The following NF1 variants were observed in gnomAD, a reference collection of about 807,000 sequenced individuals.
NF1 encodes neurofibromin.
A neutral mutation model predicts 325.7 loss-of-function variants in NF1; 122 were observed. That is an observed-to-expected ratio of 0.37 (90% CI 0.32 to 0.44). The LOEUF is 0.44. Among genes scored for constraint, NF1 ranks in the 20% least tolerant of loss-of-function variants. NF1 has a pLI of 1.00. For missense variants in NF1, 2,140 were observed against 3,415.4 expected (o/e 0.63, Z 9.31); for synonymous variants, 1,091 against 1,186.0 (o/e 0.92, Z 1.65).
At chr17:31,218,977 A>T (rs74480799) in intron 13 of NF1, 28 bp from the exon 14 acceptor site, 1 of 1,484,926 alleles carries the variant, frequency 6.7e-7, no homozygotes, top group Non-Finnish European at 9.3e-7. Flanking sequence ...TTATTTTTTT[A>T]ATTGAAGTTT....
chr17:31,225,271 T>C (rs1302343014), intron 17 of NF1, 21 bp downstream of exon 17: 10 of 1,612,148 alleles, frequency 6.2e-6, no homozygotes, highest in South Asian at 1.1e-5. Flanking sequence ...TCTGTACTTT[T>C]TCTGTATCAT....
At chr17:31,206,037 A>G (rs779757352) in intron 11 of NF1, among the ~76,000 whole-genome samples, 1 of 152,138 alleles carries the variant, frequency 6.6e-6, no homozygotes, top group Non-Finnish European at 1.5e-5. Context: ...CATGCTCACT[A>G]TTATGTTTTA....
chr17:31,109,072 A>C (rs999309064), intron 1 of NF1, among the ~76,000 whole-genome samples: 16 of 152,232 alleles, frequency 1.1e-4, no homozygotes, highest in African/African-American at 3.9e-4. Flanking sequence ...TCAGTCTTAG[A>C]ATTATCTGGA....
At chr17:31,095,507 A>C in intron 1 of NF1, 138 bp downstream of exon 1, 4 of 419,568 alleles carry the variant, frequency 9.5e-6, no homozygotes, top group East Asian at 7.2e-5. Context: ...AGAGAAGGGA[A>C]GGGGGGATAA....
chr17:31,201,560 A>C (rs1241010485), intron 11 of NF1, 75 bp downstream of exon 11: 7 of 1,077,000 alleles, frequency 6.5e-6, no homozygotes, highest in African/African-American at 3.1e-5. Flanking sequence ...CTTTTTAAGA[A>C]ATGCACTCTT....
intron 11 of NF1, among the ~76,000 whole-genome samples, chr17:31,202,578 A>G (rs1304013175): frequency 6.6e-6 from 1 of 152,130 alleles, no homozygotes; most frequent in African/African-American, 2.4e-5. Flanking sequence ...GCATTGCAGG[A>G]CCTTTAAGAT....
At chr17:31,110,660 A>G (rs1246586599) in intron 1 of NF1, among the ~76,000 whole-genome samples, 1 of 152,190 alleles carries the variant, frequency 6.6e-6, no homozygotes, top group Non-Finnish European at 1.5e-5. Context: ...AGTTCATCAG[A>G]CAAAGACTTA....
chr17:31,368,052 C>A (rs567622841), intron 57 of NF1, among the ~76,000 whole-genome samples: 4 of 152,230 alleles, frequency 2.6e-5, no homozygotes, highest in South Asian at 4.1e-4. Context: ...GATGCCTTTT[C>A]TTTTATTCAC....
intron 57 of NF1, among the ~76,000 whole-genome samples, chr17:31,369,755 T>C (rs1247312555): frequency 6.6e-6 from 1 of 152,246 alleles, no homozygotes; most frequent in Admixed American, 6.5e-5. Context: ...TCTGTCTGCA[T>C]TGGAGTGGTC....
chr17:31,258,776 A>G (rs1351304333), intron 32 of NF1, among the ~76,000 whole-genome samples: 1 of 152,152 alleles, frequency 6.6e-6, no homozygotes, highest in Non-Finnish European at 1.5e-5. Flanking sequence ...ACAGACTAGA[A>G]TGTAGACTAT....
rs566544133 is a variant in NF1 at position 31,319,526 on chromosome 17, G to A, written c.4836-6294G>A. Reference sequence around the variant, plus strand: ...TGGTGGAAAGAGGGGAAGTTTGGTAGCAACCAAAAGAAACTGAACTTCAAA... The same window carrying A: ...TGGTGGAAAGAGGGGAAGTTTGGTAACAACCAAAAGAAACTGAACTTCAAA... On this transcript the variant is annotated intron_variant, in intron 36 of 57. Coordinates refer to ENST00000358273, the MANE Select transcript of NF1 (RefSeq NM_001042492.3). Among the ~76,000 whole-genome samples, 8 of 152,182 alleles carry A rather than the reference G, an allele frequency of 5.3e-5. No individual in the cohort carries two copies. The South Asian group carries it at 6.2e-4, about 12-fold the overall frequency.
intron 1 of NF1, chr17:31,137,982 ATTTTT>A (rs199511688): frequency 6.6e-6 from 1 of 151,214 alleles, no homozygotes; most frequent in African/African-American, 2.4e-5. Context: ...AATCCTTGGA[ATTTTT>A]TTTTATTTGT....
chr17:31,323,480 A>G (rs1470465493), intron 36 of NF1, among the ~76,000 whole-genome samples: 1 of 152,092 alleles, frequency 6.6e-6, no homozygotes, highest in Non-Finnish European at 1.5e-5. Context: ...AGGAAACTGC[A>G]TTTTTATCAA....
chr17:31,318,657 T>A, intron 36 of NF1: 1 of 1,614,132 alleles, frequency 6.2e-7, no homozygotes, highest in Non-Finnish European at 8.5e-7. Context: ...TTTTGAAAAT[T>A]TCACCATGAC....
At chr17:31,296,056 G>T (rs1185832502) in intron 36 of NF1, 1 of 1,613,936 alleles carries the variant, frequency 6.2e-7, no homozygotes, top group Non-Finnish European at 8.5e-7. Flanking sequence ...GAGCAGGCAG[G>T]CTTTCAAGCC....
At chr17:31,095,644 T>C (rs910648899) in intron 1 of NF1, among the ~76,000 whole-genome samples, 4 of 152,234 alleles carry the variant, frequency 2.6e-5, no homozygotes, top group African/African-American at 9.6e-5. Context: ...ATCCCCTTTA[T>C]CCCAGCCCTT....
intron 36 of NF1, among the ~76,000 whole-genome samples, chr17:31,324,224 G>A (rs943211313): frequency 2.6e-5 from 4 of 151,974 alleles, no homozygotes; most frequent in East Asian, 1.9e-4. Flanking sequence ...GTGCCACCAC[G>A]CCCAGCTAAT....
At position 31,295,619 on chromosome 17, in the gene NF1, A is replaced by G. The variant is rs1390050232; in HGVS notation, c.4836-30201A>G. 3.7e-6 allele frequency: 6 copies of G among 1,614,054 alleles called. No individual in the cohort carries two copies. In the Admixed American group the frequency reaches 6.7e-5, roughly 18 times the overall value. On this transcript the variant is annotated intron_variant, in intron 36 of 57. Coordinates refer to ENST00000358273, the MANE Select transcript of NF1 (RefSeq NM_001042492.3). ...TTTTGTTTCCATCATCCACTTCAGTAAGTAAGTAATGTTTTGTTTGTGGTC... is the reference window on the plus strand; with the variant it reads ...TTTTGTTTCCATCATCCACTTCAGTGAGTAAGTAATGTTTTGTTTGTGGTC...
Position 31,324,129 on chromosome 17 carries a change from A to G in NF1, c.4836-1691A>G, listed in dbSNP as rs146440216. 9.4e-3 allele frequency among the ~76,000 whole-genome samples: 1,435 copies of G among 152,230 alleles called. 24 individuals are homozygous for G. The highest frequency in any genetic ancestry group is 0.033 in the African/African-American group (1,351 of 41,526). ...ATCGCCCAGGCTGGAGTGCAGTGGC[A>G]CAATCTCAGCTCACTGCAAACTCCC... is the stretch of plus-strand genomic sequence containing the variant. On this transcript the variant is annotated intron_variant, in intron 36 of 57. Coordinates refer to ENST00000358273, the MANE Select transcript of NF1 (RefSeq NM_001042492.3).
Sources: gnomAD v4.1 joint callset for allele counts (sites outside exome capture counted in the v4.1 genomes callset) on GRCh38, gnomAD v4.1.1 for gene constraint, MANE v1.5 for transcripts, NCBI Gene and HGNC (gene_info 2026-07-23, HGNC 2026-07-21) for gene names.